LMBR1: variants seen among roughly 807,000 people sequenced by gnomAD.
The protein encoded by LMBR1 is limb region 1 protein homolog.
LMBR1 carries 52 observed loss-of-function variants against 73.9 expected under a neutral mutation model. The ratio of observed to expected loss-of-function variants is 0.70; its 90% CI spans 0.56 to 0.89. LMBR1 has a LOEUF of 0.89. Among genes scored for constraint, LMBR1 ranks in the 40% least tolerant of loss-of-function variants. The probability of loss-of-function intolerance (pLI) is 0.00; values close to 1 mark genes in which losing one functional copy is unlikely to be tolerated. For missense variants in LMBR1, 539 were observed against 579.8 expected, an observed-to-expected ratio of 0.93 and a Z score of 0.72; for synonymous variants, 215 against 209.4, an observed-to-expected ratio of 1.03 and a Z score of -0.23.
At chr7:156,829,583 ATCTT>A (rs919417505) in intron 3 of LMBR1, among the ~76,000 whole-genome samples, 20 of 152,272 alleles carry the variant, frequency 1.3e-4, no homozygotes, top group African/African-American at 1.7e-4. Context: ...AGCCAAATAA[ATCTT>A]TCTTTATCAA....
At chr7:156,813,039 C>T (rs1833368035) in intron 4 of LMBR1, among the ~76,000 whole-genome samples, 1 of 152,222 alleles carries the variant, frequency 6.6e-6, no homozygotes, top group Non-Finnish European at 1.5e-5. Flanking sequence ...GTCCACCTTA[C>T]TCCACCTTAG....
At chr7:156,769,058 C>T (rs1734487760) in intron 5 of LMBR1, among the ~76,000 whole-genome samples, 2 of 152,152 alleles carry the variant, frequency 1.3e-5, no homozygotes, top group South Asian at 4.1e-4. Context: ...AGGCACAGTC[C>T]CTGAGGCCAA....
intron 3 of LMBR1, among the ~76,000 whole-genome samples, chr7:156,829,698 A>G (rs1052303414): frequency 6.6e-6 from 1 of 152,200 alleles, no homozygotes; most frequent in African/African-American, 2.4e-5. Context: ...CCTCATTCCC[A>G]GCAAATGACT....
At chr7:156,784,621 C>T (rs929246155) in intron 5 of LMBR1, among the ~76,000 whole-genome samples, 1 of 152,132 alleles carries the variant, frequency 6.6e-6, no homozygotes, top group African/African-American at 2.4e-5. Flanking sequence ...TTGAGGAGCG[C>T]AGACAATCAA....
intron 4 of LMBR1, among the ~76,000 whole-genome samples, chr7:156,672,757 C>G (rs891194741): frequency 6.6e-6 from 1 of 152,246 alleles, no homozygotes; most frequent in Non-Finnish European, 1.5e-5. Context: ...CACACTTACT[C>G]TGTTCCTCTC....
rs563938794 is a variant in LMBR1 at position 156,767,770 on chromosome 7, G to A, written c.424-3975C>T. ...TATATAAAATACGAAAACAGGAAAT[G>A]ATAAAAACCAAATATATCTACTATA... On this transcript the variant is annotated intron_variant, in intron 5 of 16. Transcript: ENST00000353442. Among the ~76,000 whole-genome samples, 4 of 151,878 alleles carry A rather than the reference G, an allele frequency of 2.6e-5. No homozygotes were observed. The South Asian group carries it at 8.3e-4, about 32-fold the overall frequency.
Position 156,684,074 on chromosome 7 carries a change from C to T in LMBR1, c.*4G>A, listed in dbSNP as rs758723969. On this transcript the variant is annotated 3_prime_UTR_variant, in exon 17 of 17. Transcript: ENST00000353442. ...TTGGTGGCAGAAGACGCCGTCTGTGCGTCTCACAGTGCTTTCTGATGCCCA... is the reference window on the plus strand; with the variant it reads ...TTGGTGGCAGAAGACGCCGTCTGTGTGTCTCACAGTGCTTTCTGATGCCCA... 5.6e-6 allele frequency: 9 copies of T among 1,610,184 alleles called. No homozygotes were observed. The highest frequency in any genetic ancestry group is 1.7e-4 in the Middle Eastern group (1 of 6,054).
chr7:156,875,892 A>T (rs1228744988), intron 1 of LMBR1, among the ~76,000 whole-genome samples: 1 of 140,062 alleles, frequency 7.1e-6, no homozygotes, highest in Non-Finnish European at 1.5e-5. Flanking sequence ...GGGCATATAA[A>T]ACAAAAATAC....
intron 15 of LMBR1, among the ~76,000 whole-genome samples, chr7:156,719,303 A>G (rs1179725933): frequency 1.3e-5 from 2 of 152,068 alleles, no homozygotes; most frequent in Non-Finnish European, 2.9e-5. Flanking sequence ...CCTACAAAGG[A>G]CATGAACTCA....
At chr7:156,856,759 A>T (rs191955388) in intron 1 of LMBR1, among the ~76,000 whole-genome samples, 20 of 152,304 alleles carry the variant, frequency 1.3e-4, no homozygotes, top group African/African-American at 4.6e-4. Context: ...AGTGAAGGTA[A>T]AATAAAGTCT....
Position 156,753,785 on chromosome 7 carries a change from A to G in LMBR1, c.757+2608T>C, listed in dbSNP as rs553256473. The stretch of plus-strand genomic sequence containing the variant: ...AAGGCCGCCTGCCGAGATCACAGTG[A>G]GCTCTGTGGACATCTCTCTACTCCT... On this transcript the variant is annotated intron_variant, in intron 9 of 16. Coordinates refer to ENST00000353442, the MANE Select transcript of LMBR1 (RefSeq NM_022458.4). Among the ~76,000 whole-genome samples, 12 of 152,204 alleles carry G rather than the reference A, an allele frequency of 7.9e-5. No homozygotes were observed. The East Asian group carries it at 2.1e-3, about 27-fold the overall frequency.
intron 1 of LMBR1, among the ~76,000 whole-genome samples, chr7:156,854,338 C>G (rs1032840019): frequency 3.3e-5 from 5 of 152,174 alleles, no homozygotes; most frequent in African/African-American, 1.2e-4. Flanking sequence ...AGAAAAACTC[C>G]AGAAGTCTAG....
Position 156,702,741 on chromosome 7 carries a change from G to A in LMBR1, c.1226-14550C>T, listed in dbSNP as rs1810064825. 2.6e-5 allele frequency among the ~76,000 whole-genome samples: 4 copies of A among 152,154 alleles called. No individual in the cohort carries two copies. The South Asian group carries it at 8.3e-4, about 31-fold the overall frequency. ...AACATACTCTTAGCATATGATCCAA[G>A]AAAAATGTTTTTTGATATCTACCCC... On this transcript the variant is annotated intron_variant, in intron 15 of 16. Transcript: ENST00000353442.
intron 1 of LMBR1, among the ~76,000 whole-genome samples, chr7:156,849,936 A>C (rs1024285593): frequency 6.6e-6 from 1 of 152,144 alleles, no homozygotes; most frequent in South Asian, 2.1e-4. Context: ...GAGCCAAGGG[A>C]TATATGGAAA....
At chr7:156,873,779 G>T (rs1226061015) in intron 1 of LMBR1, among the ~76,000 whole-genome samples, 1 of 152,048 alleles carries the variant, frequency 6.6e-6, no homozygotes, top group Admixed American at 6.6e-5. Flanking sequence ...TAGACATAAA[G>T]GTTCTCCAAG....
In LMBR1 at chr7:156,684,108, A is replaced by C. The variant is rs1267612142; in HGVS notation, c.1443T>G (p.Pro481=). Residue 481 remains proline, a synonymous_variant, in exon 17 of 17, where the codon CCT becomes CCG. Transcript: ENST00000353442. Reference sequence around the variant, plus strand: ...GTGCTTTCTGATGCCCATTTACAGAAGGCTTGGCTGTTTCTGAATCCCTTG... The same window carrying C: ...GTGCTTTCTGATGCCCATTTACAGACGGCTTGGCTGTTTCTGAATCCCTTG... ...NTSRDSETAK[P]SVNGHQKAL is the part of the protein sequence containing the mutation. The C allele has an allele frequency of 6.2e-7, 1 of 1,614,144 alleles. No homozygotes were observed. Among genetic ancestry groups the C allele is most frequent in the Admixed American group, 1.7e-5 (1 of 60,028 alleles).
intron 16 of LMBR1, among the ~76,000 whole-genome samples, chr7:156,687,432 AC>A (rs1806214411): frequency 6.6e-6 from 1 of 152,254 alleles, no homozygotes; most frequent in Non-Finnish European, 1.5e-5. Context: ...GCATAAAAAT[AC>A]ATTCATAGGT....
chr7:156,818,650 A>T (rs955181598), intron 4 of LMBR1, among the ~76,000 whole-genome samples: 1 of 152,162 alleles, frequency 6.6e-6, no homozygotes, highest in African/African-American at 2.4e-5. Flanking sequence ...TTCATTTGCA[A>T]TGGTGTGCAA....
At chr7:156,782,614 G>A (rs1436709496) in intron 5 of LMBR1, among the ~76,000 whole-genome samples, 3 of 151,996 alleles carry the variant, frequency 2.0e-5, no homozygotes, top group Non-Finnish European at 4.4e-5. Flanking sequence ...GTACAATCTC[G>A]GCTCCCTGAA....
Sources: gnomAD v4.1 joint callset for allele counts (sites outside exome capture counted in the v4.1 genomes callset) on GRCh38, gnomAD v4.1.1 for gene constraint, MANE v1.5 for transcripts, NCBI Gene and HGNC (gene_info 2026-07-23, HGNC 2026-07-21) for gene names.